Variants in PCDHA5 observed in about 807,000 individuals in gnomAD.
PCDHA5 encodes protocadherin alpha-5.
Under a neutral mutation model 61.6 loss-of-function variants are expected in PCDHA5, and 43 were observed. That is an observed-to-expected ratio of 0.70 (90% confidence interval 0.55 to 0.90). The LOEUF (loss-of-function observed/expected upper bound fraction) is 0.90, where lower values mean the gene tolerates loss of function less well. PCDHA5 is among the 40% of genes least tolerant of loss of function. The pLI is 0.00. For synonymous variants in PCDHA5, 627 were observed against 543.9 expected (o/e 1.15, Z -2.13); for missense variants, 1,298 against 1,222.7 (o/e 1.06, Z -0.92).
chr5:140,976,494 G>A (rs1247242198), intron 1 of PCDHA5, among the ~76,000 whole-genome samples: 1 of 151,942 alleles, frequency 6.6e-6, no homozygotes, highest in Non-Finnish European at 1.5e-5. Context: ...GAGGTTGCAG[G>A]GAGCCAAGAT....
intron 1 of PCDHA5, chr5:140,848,334 A>T: frequency 2.4e-6 from 2 of 850,772 alleles, no homozygotes; most frequent in Non-Finnish European, 3.7e-6. Context: ...CTCTGAATCC[A>T]GACAAATACA....
At chr5:140,873,752 C>T (rs2054472285) in intron 1 of PCDHA5, among the ~76,000 whole-genome samples, 1 of 152,154 alleles carries the variant, frequency 6.6e-6, no homozygotes, top group Non-Finnish European at 1.5e-5. Flanking sequence ...TCTCCACCTC[C>T]CATGTTCAAG....
At chr5:140,870,229 C>A (rs781897836) in intron 1 of PCDHA5, 3 of 1,614,046 alleles carry the variant, frequency 1.9e-6, no homozygotes, top group South Asian at 1.1e-5. Flanking sequence ...CGTGTCTGAC[C>A]GTGACTCAGG....
intron 1 of PCDHA5, among the ~76,000 whole-genome samples, chr5:140,844,874 A>G (rs1300687011): frequency 6.7e-6 from 1 of 149,392 alleles, no homozygotes; most frequent in Non-Finnish European, 1.5e-5. Context: ...TTAAATACCC[A>G]TTAGACTTCG....
intron 1 of PCDHA5, among the ~76,000 whole-genome samples, chr5:140,896,034 C>T (rs2065325543): frequency 6.6e-6 from 1 of 152,192 alleles, no homozygotes; most frequent in South Asian, 2.1e-4. Flanking sequence ...TGGTCTCGAA[C>T]TCCTGACCTC....
At chr5:140,886,759 G>A (rs541111444) in intron 1 of PCDHA5, among the ~76,000 whole-genome samples, 221 of 150,566 alleles carry the variant, frequency 1.5e-3, no homozygotes, top group Non-Finnish European at 2.7e-3. Flanking sequence ...CCGGGAGGTG[G>A]AGGTTGCAGT....
At chr5:140,869,140 C>A in intron 1 of PCDHA5, 8 of 1,613,188 alleles carry the variant, frequency 5.0e-6, no homozygotes, top group African/African-American at 1.3e-5. Context: ...GGGCACCCCA[C>A]GACTACAGCT....
At chr5:140,926,979 G>A (rs782354889) in intron 1 of PCDHA5, 1 of 1,610,590 alleles carries the variant, frequency 6.2e-7, no homozygotes. Flanking sequence ...TGCCGGAGGA[G>A]ACGGAGCGGG....
chr5:140,887,649 T>C (rs2061527192), intron 1 of PCDHA5, among the ~76,000 whole-genome samples: 1 of 152,162 alleles, frequency 6.6e-6, no homozygotes, highest in South Asian at 2.1e-4. Context: ...TTTGTTGATA[T>C]TCTTGGATCT....
In PCDHA5 at chr5:140,822,494, A is replaced by G; in HGVS notation, c.719A>G (p.Glu240Gly). ...NVLDANDNAPEFDKSIYNVRL... is the reference protein window; with the variant it reads ...NVLDANDNAPGFDKSIYNVRL... The stretch of plus-strand genomic sequence containing the variant: ...TTGGATGCTAATGATAACGCCCCAG[A>G]ATTTGATAAATCCATTTATAATGTC... The change falls in exon 1 of 4, where the codon GAA becomes GGA. Residue 240 changes from glutamate to glycine, a missense_variant. Coordinates refer to ENST00000529859, the MANE Select transcript of PCDHA5 (RefSeq NM_018908.3). 1 of 1,613,882 alleles carries G rather than the reference A, an allele frequency of 6.2e-7. No individual in the cohort carries two copies. The highest frequency in any genetic ancestry group is 8.5e-7 in the Non-Finnish European group (1 of 1,179,974).
At chr5:140,850,521 C>T (rs2041655366) in intron 1 of PCDHA5, 2 of 1,598,110 alleles carry the variant, frequency 1.3e-6, no homozygotes, top group Admixed American at 3.4e-5. Context: ...CGGCCAGGCG[C>T]CAAAGTCATC....
chr5:140,829,811 G>T (rs1554132272), intron 1 of PCDHA5: 1 of 1,613,910 alleles, frequency 6.2e-7, no homozygotes, highest in Non-Finnish European at 8.5e-7. Flanking sequence ...GGGTGGTACT[G>T]GTGGTGCAGT....
rs2153592349 is a variant in PCDHA5 at position 140,927,874 on chromosome 5, G to A, written c.2353-51075G>A. 1.9e-6 allele frequency: 3 copies of A among 1,614,102 alleles called. No individual in the cohort carries two copies. The East Asian group carries it at 6.7e-5, about 36-fold the overall frequency. Reference sequence around the variant, plus strand: ...TTTAGCTAGCACCGCTAAACTGCTGGTGGAGGTGACTGACGTGAACGATCA... The same window carrying A: ...TTTAGCTAGCACCGCTAAACTGCTGATGGAGGTGACTGACGTGAACGATCA... On this transcript the variant is annotated intron_variant, in intron 1 of 3. Coordinates refer to ENST00000529859, the MANE Select transcript of PCDHA5 (RefSeq NM_018908.3).
chr5:140,924,036 C>A (rs2081633869), intron 1 of PCDHA5, among the ~76,000 whole-genome samples: 1 of 152,162 alleles, frequency 6.6e-6, no homozygotes, highest in African/African-American at 2.4e-5. Context: ...TGGCTGCAGA[C>A]CTAAAAGTTC....
chr5:140,887,221 C>G lies in PCDHA5; in HGVS notation c.2352+63094C>G, dbSNP rs149306651. ...ACGCCATTCTCCTGCCTCAGCCTCCCGAGTAGCTGAGACTACCGGCGCCCG... is the reference window on the plus strand; with the variant it reads ...ACGCCATTCTCCTGCCTCAGCCTCCGGAGTAGCTGAGACTACCGGCGCCCG... On this transcript the variant is annotated intron_variant, in intron 1 of 3. Transcript: ENST00000529859. Among the ~76,000 whole-genome samples, 1,413 of 151,972 alleles carry G rather than the reference C, an allele frequency of 9.3e-3. 17 individuals carry two copies. The highest frequency in any genetic ancestry group is 0.033 in the African/African-American group (1,349 of 41,450).
At chr5:140,843,158 C>T in intron 1 of PCDHA5, 1 of 1,596,142 alleles carries the variant, frequency 6.3e-7, no homozygotes, top group Non-Finnish European at 8.6e-7. Flanking sequence ...TGAGCTGCAG[C>T]CAGCTGCAAG....
rs192014288 is a variant in PCDHA5, at chr5:140,938,120, T to A, written c.2353-40829T>A. Among the ~76,000 whole-genome samples the A allele has an allele frequency of 2.0e-3, 311 of 152,258 alleles. 6 individuals are homozygous for A. In the East Asian group the frequency reaches 0.05, roughly 25 times the overall value. ...GTATTTTTTACTTTCTCTCTTTTTT[T>A]AAAAAAATAGAGATAGAGTCTCACT... On this transcript the variant is annotated intron_variant, in intron 1 of 3. Transcript: ENST00000529859.
At chr5:140,988,348 A>T (rs2097293800) in intron 3 of PCDHA5, among the ~76,000 whole-genome samples, 1 of 152,116 alleles carries the variant, frequency 6.6e-6, no homozygotes, top group Admixed American at 6.6e-5. Flanking sequence ...TCCTTTTAAG[A>T]TGCACTTTTA....
At chr5:140,921,367 T>C (rs1165325497) in intron 1 of PCDHA5, among the ~76,000 whole-genome samples, 1 of 152,182 alleles carries the variant, frequency 6.6e-6, no homozygotes, top group African/African-American at 2.4e-5. Context: ...TCAAGTTTCA[T>C]ATTTCTACAT....
Sources: gnomAD v4.1 joint callset for allele counts (sites outside exome capture counted in the v4.1 genomes callset) on GRCh38, gnomAD v4.1.1 for gene constraint, MANE v1.5 for transcripts, NCBI Gene and HGNC (gene_info 2026-07-23, HGNC 2026-07-21) for gene names.